PRDM16: variants seen among roughly 807,000 people sequenced by gnomAD.
PRDM16 encodes the protein PR/SET domain 16, also known as histone-lysine N-methyltransferase PRDM16.
PRDM16 carries 23 observed loss-of-function variants against 110.6 expected under a neutral mutation model. The ratio of observed to expected loss-of-function variants is 0.21; its 90% CI spans 0.15 to 0.29. The LOEUF is 0.29. PRDM16 is among the 10% of genes least tolerant of loss of function. PRDM16 has a pLI of 1.00. For synonymous variants in PRDM16, 799 were observed against 781.8 expected (o/e 1.02, Z -0.37); for missense variants, 1,615 against 1,794.3 (o/e 0.90, Z 1.81).
intron 3 of PRDM16, among the ~76,000 whole-genome samples, chr1:3,377,181 C>T (rs563811281): frequency 3.9e-5 from 6 of 152,244 alleles, no homozygotes; most frequent in Non-Finnish European, 7.3e-5. Context: ...GACCCTCTCC[C>T]CCGGCTCCCG....
At chr1:3,396,662 T>C (rs952867257) in intron 5 of PRDM16, 69 bp downstream of exon 5, 1 of 666,912 alleles carries the variant, frequency 1.5e-6, no homozygotes, top group Admixed American at 2.7e-5. Flanking sequence ...GAGGAGCAGA[T>C]GCCTGGGAGG....
Position 3,370,080 on chromosome 1 carries a change from A to T in PRDM16, c.439-15072A>T, listed in dbSNP as rs74610699. ...AAGGCACTAAATATAACTGGGCTGG[A>T]TCCATCCTGGCCCTTCTCCATGCAA... On this transcript the variant is annotated intron_variant, in intron 3 of 16. Transcript: ENST00000270722. This position sits in a 1 kb window ranked among gnomAD's most constrained non-coding sequence, Gnocchi z 4.8. Among the ~76,000 whole-genome samples the T allele has an allele frequency of 0.022, 3,362 of 152,212 alleles. 108 individuals carry two copies. The highest frequency in any genetic ancestry group is 0.074 in the African/African-American group (3,072 of 41,514).
chr1:3,409,685 CGT>C (rs1166460283), intron 8 of PRDM16, among the ~76,000 whole-genome samples: 1 of 146,388 alleles, frequency 6.8e-6, no homozygotes, highest in African/African-American at 2.5e-5. Context: ...TGTGTGTGTG[CGT>C]GTGTGTGGTG....
intron 1 of PRDM16, among the ~76,000 whole-genome samples, chr1:3,119,084 C>A (rs1008727257): frequency 6.6e-6 from 1 of 152,230 alleles, no homozygotes; most frequent in African/African-American, 2.4e-5. Context: ...TCTCTGTACC[C>A]TGTGCCCTCC....
intron 1 of PRDM16, among the ~76,000 whole-genome samples, chr1:3,156,792 T>G (rs1024306739): frequency 9.2e-5 from 14 of 152,186 alleles, no homozygotes; most frequent in African/African-American, 3.4e-4. Flanking sequence ...AGGGCCCACA[T>G]GGGCTTTTGC....
intron 1 of PRDM16, among the ~76,000 whole-genome samples, chr1:3,181,723 TACACACGGTCTTAC>T (rs1233626739): frequency 1.2e-5 from 1 of 85,240 alleles, no homozygotes; most frequent in African/African-American, 4.1e-5. Flanking sequence ...CACGCAGTCT[TACACACGGTCTTAC>T]ACACGGAGTC....
At chr1:3,401,389 T>G (rs921469481) in intron 5 of PRDM16, among the ~76,000 whole-genome samples, 2 of 152,216 alleles carry the variant, frequency 1.3e-5, no homozygotes, top group African/African-American at 4.8e-5. Context: ...CTCTGCTCAA[T>G]GCTGGGCACT....
At chr1:3,286,854 G>T (rs1288170479) in intron 3 of PRDM16, among the ~76,000 whole-genome samples, 2 of 151,880 alleles carry the variant, frequency 1.3e-5, no homozygotes, top group Admixed American at 1.3e-4. Context: ...CTCAAAGCTG[G>T]GTCTGCCCAC....
At chr1:3,184,871 C>T (rs1299396135) in intron 1 of PRDM16, among the ~76,000 whole-genome samples, 1 of 152,082 alleles carries the variant, frequency 6.6e-6, no homozygotes, top group Non-Finnish European at 1.5e-5. Context: ...CTGCGCGTGC[C>T]AGGGCCGCCC....
chr1:3,085,988 G>A (rs1304874628), intron 1 of PRDM16, among the ~76,000 whole-genome samples: 2 of 152,248 alleles, frequency 1.3e-5, no homozygotes, highest in Non-Finnish European at 2.9e-5. Flanking sequence ...CTGACCCCAT[G>A]CCCTGGTCTG....
At position 3,395,660 on chromosome 1, in the gene PRDM16, G is replaced by A. The variant is rs368058939; in HGVS notation, c.574-831G>A. On this transcript the variant is annotated intron_variant, in intron 4 of 16. Coordinates refer to ENST00000270722, the MANE Select transcript of PRDM16 (RefSeq NM_022114.4). The stretch of plus-strand genomic sequence containing the variant: ...CGGCATGGCCCGTGCCCTGGCCCAG[G>A]CCTCAGATGGCCTGGCCTCCCCTTT... Among the ~76,000 whole-genome samples, 51 of 152,338 alleles carry A rather than the reference G, an allele frequency of 3.3e-4. 1 individual carries two copies. Among genetic ancestry groups the A allele is most frequent in the African/African-American group, 1.2e-3 (48 of 41,578 alleles).
intron 2 of PRDM16, among the ~76,000 whole-genome samples, chr1:3,233,099 C>T (rs562607653): frequency 4.6e-5 from 7 of 152,310 alleles, no homozygotes; most frequent in African/African-American, 1.2e-4. Flanking sequence ...TTATTTTCCC[C>T]GTGGAAAGCG....
intron 1 of PRDM16, among the ~76,000 whole-genome samples, chr1:3,181,197 C>G (rs1161399848): frequency 7.5e-6 from 1 of 132,628 alleles, no homozygotes; most frequent in Non-Finnish European, 1.6e-5. Flanking sequence ...GTCTTACGGT[C>G]TTACACACGG....
intron 3 of PRDM16, among the ~76,000 whole-genome samples, chr1:3,322,142 TTGTG>T (rs138034018): frequency 0.11 from 17,087 of 150,924 alleles, 2,211 homozygotes; most frequent in African/African-American, 0.3. Flanking sequence ...GTGAACATGT[TTGTG>T]TGTGAGTGCA....
At chr1:3,338,764 T>G (rs1642211972) in intron 3 of PRDM16, among the ~76,000 whole-genome samples, 1 of 152,208 alleles carries the variant, frequency 6.6e-6, no homozygotes, top group Non-Finnish European at 1.5e-5. Context: ...AGAAAGTGTC[T>G]GAGCACAGGC....
intron 3 of PRDM16, among the ~76,000 whole-genome samples, chr1:3,318,374 GCTT>G (rs527482209): frequency 7.2e-5 from 11 of 152,090 alleles, no homozygotes; most frequent in African/African-American, 2.4e-4. Context: ...GTTCAAATTC[GCTT>G]TTTTCCATGT....
At chr1:3,394,260 T>G (rs1210159770) in intron 4 of PRDM16, among the ~76,000 whole-genome samples, 1 of 148,978 alleles carries the variant, frequency 6.7e-6, no homozygotes, top group African/African-American at 2.5e-5. Context: ...GTCCTGGGAG[T>G]GTCTGTGGCC....
rs1312592079 is a variant in PRDM16, at chr1:3,181,766, A to ATT, written c.38-4359_38-4358insTT. Among the ~76,000 whole-genome samples, 2 of 135,962 alleles carry ATT rather than the reference A, an allele frequency of 1.5e-5. 1 individual carries two copies. The highest frequency in any genetic ancestry group is 3.2e-5 in the Non-Finnish European group (2 of 62,176). 89.2% of individuals were successfully genotyped at this position (135,962 alleles called of 152,430 possible). A position where few individuals can be genotyped will look rare whatever the true frequency, so the allele number is the denominator to read the frequency against. On this transcript the variant is annotated intron_variant, in intron 1 of 16. Coordinates refer to ENST00000270722, the MANE Select transcript of PRDM16 (RefSeq NM_022114.4). ...CGGAGTCTTACACACGGTCTTACAC[A>ATT]CAGTCTTACACATGCAGTCTTACAC...
intron 1 of PRDM16, among the ~76,000 whole-genome samples, chr1:3,142,727 G>T (rs572406981): frequency 6.6e-6 from 1 of 152,066 alleles, no homozygotes; most frequent in Non-Finnish European, 1.5e-5. Context: ...GATGTGGACC[G>T]TATTAACTGG....
Sources: gnomAD v4.1 joint callset for allele counts (sites outside exome capture counted in the v4.1 genomes callset) on GRCh38, gnomAD v4.1.1 for gene constraint, Gnocchi (gnomAD v3.1) non-coding constraint, MANE v1.5 for transcripts, NCBI Gene and HGNC (gene_info 2026-07-23, HGNC 2026-07-21) for gene names.